The following GSDMD variants were observed in gnomAD, a reference collection of about 807,000 sequenced individuals.
GSDMD encodes gasdermin-D.
Under a neutral mutation model 46.7 loss-of-function variants are expected in GSDMD, and 46 were observed. The observed-to-expected ratio is 0.99, with a 90% CI of 0.78 to 1.26. GSDMD has a LOEUF of 1.26. GSDMD is among the 50% of genes most tolerant of loss of function. The pLI, the probability that GSDMD is intolerant of heterozygous loss-of-function variation, is 0.00. For missense variants in GSDMD, 649 were observed against 638.8 expected (o/e 1.02, Z -0.17); for synonymous variants, 307 against 283.1 (o/e 1.08, Z -0.85).
At chr8:143,560,894 G>A (rs751701745) in intron 4 of GSDMD, 108 bp from the exon 5 acceptor site, 18 of 1,434,160 alleles carry the variant, frequency 1.3e-5, no homozygotes, top group Non-Finnish European at 1.7e-5. Flanking sequence ...GCGCTTGGCT[G>A]CGGAGCCGAA....
intron 1 of GSDMD, 38 bp from the exon 2 acceptor site, chr8:143,559,294 C>CCCCCCA: frequency 1.1e-6 from 1 of 929,460 alleles, no homozygotes. Flanking sequence ...TCCCGCCCGC[C>CCCCCCA]CCGAGAGCAC....
At chr8:143,558,011 C>G, upstream of GSDMD, 1 of 392,302 alleles carries the variant, frequency 2.5e-6, no homozygotes, top group Non-Finnish European at 5.0e-6. Context: ...TCTCTTGCCT[C>G]AGCCTCCCAG....
At chr8:143,561,459 T>C (rs1254277935) in intron 6 of GSDMD, 36 bp downstream of exon 6, 3 of 1,594,562 alleles carry the variant, frequency 1.9e-6, no homozygotes, top group African/African-American at 2.7e-5. Flanking sequence ...GGGTGTCCGG[T>C]GGGAAAAGCA....
chr8:143,560,433 G>A (rs1403310731), intron 3 of GSDMD, 170 bp from the exon 4 acceptor site: 12 of 672,590 alleles, frequency 1.8e-5, no homozygotes, highest in Non-Finnish European at 2.8e-5. Flanking sequence ...CTTTCCTCAT[G>A]GGGTCCCGTC....
At chr8:143,560,948 G>A (rs776603065) in intron 4 of GSDMD, 54 bp from the exon 5 acceptor site, 39 of 1,512,490 alleles carry the variant, frequency 2.6e-5, no homozygotes, top group African/African-American at 4.2e-5. Flanking sequence ...GCCCGCACCC[G>A]CACCCCACGG....
In GSDMD at chr8:143,562,115, G is replaced by C. The variant is rs372538469; in HGVS notation, c.980G>C (p.Arg327Pro). The change falls in exon 8 of 11, where the codon CGA becomes CCA. Residue 327 changes from arginine (R) to proline (P), a missense_variant. Arg to Pro is a moderately radical substitution (Grantham distance 103, BLOSUM62 -2). Coordinates refer to ENST00000262580, the MANE Select transcript of GSDMD (RefSeq NM_024736.7). ...GTGCTGCGGGACCAGCTGGCCCTGC[G>C]AGCCTTGGAGGAGGCGGTGAGCGGG... ...EGVLRDQLAL[R>P]ALEEALEQGQ... 3.1e-6 allele frequency: 5 copies of C among 1,597,798 alleles called. No homozygotes were observed. The East Asian group carries it at 8.9e-5, about 29-fold the overall frequency.
At chr8:143,558,335 T>C (rs1823358355), upstream of GSDMD, 2 of 1,523,426 alleles carry the variant, frequency 1.3e-6, no homozygotes, top group Non-Finnish European at 1.8e-6. Flanking sequence ...GGGCGGGCCC[T>C]GCGTCAGGTT....
chr8:143,556,834 T>G (rs1586991019), upstream of GSDMD, among the ~76,000 whole-genome samples: 1 of 152,264 alleles, frequency 6.6e-6, no homozygotes, highest in South Asian at 2.1e-4. Flanking sequence ...TTAAAATAAC[T>G]GCTTTAATGA....
upstream of GSDMD, chr8:143,558,001 T>A (rs749471881): frequency 2.5e-6 from 1 of 394,144 alleles, no homozygotes; most frequent in East Asian, 7.8e-5. Flanking sequence ...TTCAAGCGAT[T>A]CTCTTGCCTC....
In GSDMD at chr8:143,562,099, G is replaced by A; in HGVS notation, c.964G>A (p.Asp322Asn). 1.3e-6 allele frequency: 2 copies of A among 1,597,134 alleles called. No homozygotes were observed. The highest frequency in any genetic ancestry group is 1.7e-6 in the Non-Finnish European group (2 of 1,177,626). Residue 322 changes from aspartate (D) to asparagine (N), a missense_variant, in exon 8 of 11, where the codon GAC becomes AAC. Transcript: ENST00000262580. ...GGAGGGCCTGGAGGGGGTGCTGCGG[G>A]ACCAGCTGGCCCTGCGAGCCTTGGA... ...LLEGLEGVLRDQLALRALEEA... is the reference protein window; with the variant it reads ...LLEGLEGVLRNQLALRALEEA...
chr8:143,561,428 G>C lies in GSDMD; in HGVS notation c.736+5G>C. 1 of 1,611,026 alleles carries C rather than the reference G, an allele frequency of 6.2e-7. No homozygotes were observed. Among genetic ancestry groups the C allele is most frequent in the Middle Eastern group, 1.7e-4 (1 of 6,056 alleles). ...CCTTCCAGCCACCCGCGACAGGTGA[G>C]AGCCGAGAGCCCCCAGCATGGGGTG... is the stretch of plus-strand genomic sequence containing the variant. On this transcript the variant is annotated splice_donor_5th_base_variant and intron_variant, in intron 6 of 10. Transcript: ENST00000262580.
At position 143,560,667 on chromosome 8, in the gene GSDMD, G is replaced by A. The variant is rs1372459189; in HGVS notation, c.475G>A (p.Val159Met). 33 of 1,589,498 alleles carry A rather than the reference G, an allele frequency of 2.1e-5. 1 individual carries two copies. The highest frequency in any genetic ancestry group is 2.4e-5 in the Non-Finnish European group (28 of 1,168,326). The change falls in exon 4 of 11, where the codon GTG (valine) becomes ATG (methionine). Residue 159 changes from valine to methionine, a missense_variant. Transcript: ENST00000262580. Reference sequence around the variant, plus strand: ...GCGCAGCCGCGGGGACAACGTGTACGTGGTGACTGAGGTGCTGCAGACACA... The same window carrying A: ...GCGCAGCCGCGGGGACAACGTGTACATGGTGACTGAGGTGCTGCAGACACA... ...QLRSRGDNVY[V>M]VTEVLQTQKE...
chr8:143,561,242 C>G, intron 5 of GSDMD, 128 bp from the exon 6 acceptor site: 1 of 1,214,912 alleles, frequency 8.2e-7, no homozygotes. Context: ...GGCTGAGGTC[C>G]TGTGCTCTGG....
upstream of GSDMD, chr8:143,553,749 C>G (rs1823251760): frequency 6.8e-6 from 1 of 147,008 alleles, no homozygotes; most frequent in Non-Finnish European, 1.5e-5. Context: ...CAGCGCCCAG[C>G]TGGAAGCTGA....
Position 143,560,993 on chromosome 8 carries a change from A to G in GSDMD, c.580-9A>G. The G allele has an allele frequency of 6.2e-7, 1 of 1,609,302 alleles. No homozygotes were observed. Among genetic ancestry groups the G allele is most frequent in the Non-Finnish European group, 8.5e-7 (1 of 1,177,482 alleles). On this transcript the variant is annotated splice_polypyrimidine_tract_variant and intron_variant, in intron 4 of 10. Transcript: ENST00000262580. ...AGGGCCCAGCCCCGAGCCCATCTCC[A>G]TGCCTCAGGGTGAGGGCCAGGGCCA... is the stretch of plus-strand genomic sequence containing the variant.
rs777063450 is a variant in GSDMD, at chr8:143,559,581, C to T, written c.217+29C>T. 13 of 1,599,822 alleles carry T rather than the reference C, an allele frequency of 8.1e-6. No individual in the cohort carries two copies. In the South Asian group the frequency reaches 1.1e-4, roughly 14 times the overall value. The stretch of plus-strand genomic sequence containing the variant: ...CCTGATGTGGTGCTGAGGCAGAGCC[C>T]CAGGGAGGCTGGATGGGAGAGGGGA... On this transcript the variant is annotated intron_variant, in intron 2 of 10. Coordinates refer to ENST00000262580, the MANE Select transcript of GSDMD (RefSeq NM_024736.7).
At chr8:143,561,521 G>T in intron 6 of GSDMD, 98 bp downstream of exon 6, 1 of 1,281,176 alleles carries the variant, frequency 7.8e-7, no homozygotes, top group Non-Finnish European at 1.1e-6. Context: ...GCACAGGGAG[G>T]CCGGGCAGCC....
upstream of GSDMD, chr8:143,558,183 G>C: frequency 1.3e-6 from 1 of 781,402 alleles, no homozygotes; most frequent in Non-Finnish European, 1.9e-6. Context: ...AAAGTGCTAT[G>C]AAGTTTGAGG....
upstream of GSDMD, chr8:143,557,997 C>T (rs1357873136): frequency 5.0e-6 from 2 of 399,514 alleles, no homozygotes; most frequent in Non-Finnish European, 1.0e-5. Context: ...CAGGTTCAAG[C>T]GATTCTCTTG....
Sources: gnomAD v4.1 joint callset for allele counts (sites outside exome capture counted in the v4.1 genomes callset) on GRCh38, gnomAD v4.1.1 for gene constraint, MANE v1.5 for transcripts, NCBI Gene and HGNC (gene_info 2026-07-23, HGNC 2026-07-21) for gene names.